BNC2: variants seen among roughly 807,000 people sequenced by gnomAD.
The protein encoded by BNC2 is zinc finger protein basonuclin-2.
In BNC2, 20 loss-of-function variants were observed where a neutral mutation model predicts 76.3. The observed-to-expected ratio is 0.26, with a 90% CI of 0.18 to 0.38. The LOEUF (loss-of-function observed/expected upper bound fraction) is 0.38. Ranked by LOEUF, BNC2 falls within the 10% of genes least tolerant of loss-of-function variation. The pLI, the probability that BNC2 is intolerant of heterozygous loss-of-function variation, is 1.00. For missense variants in BNC2, 1,382 were observed against 1,399.8 expected, an observed-to-expected ratio of 0.99 and a Z score of 0.20; for synonymous variants, 582 against 514.8, an observed-to-expected ratio of 1.13 and a Z score of -1.77.
chr9:16,797,321 GA>G (rs1202969440), intron 1 of BNC2, among the ~76,000 whole-genome samples: 1 of 152,050 alleles, frequency 6.6e-6, no homozygotes, highest in Non-Finnish European at 1.5e-5. Flanking sequence ...CTATACAATG[GA>G]AAGGATGAGG....
At chr9:16,566,764 G>A (rs937829455) in intron 4 of BNC2, among the ~76,000 whole-genome samples, 4 of 152,108 alleles carry the variant, frequency 2.6e-5, no homozygotes, top group Admixed American at 6.6e-5. Flanking sequence ...CTGGAAAGTC[G>A]TCAGAGAATA....
In BNC2 at chr9:16,435,644, A is replaced by C; in HGVS notation, c.2550T>G (p.Leu850=). Residue 850 remains leucine (L), a synonymous_variant, in exon 6 of 7, where the codon CTT becomes CTG. Coordinates refer to ENST00000380672, the MANE Select transcript of BNC2 (RefSeq NM_017637.6). ...KSFKSSYSVK[L]HYRNVHLKEM... ...CTTTCAAGTGAACGTTCCTGTAGTG[A>C]AGTTTCACACTGTAGGAGCTTTTGA... The C allele has an allele frequency of 6.2e-7, 1 of 1,614,146 alleles. No individual in the cohort carries two copies. The highest frequency in any genetic ancestry group is 8.5e-7 in the Non-Finnish European group (1 of 1,180,020).
intron 3 of BNC2, among the ~76,000 whole-genome samples, chr9:16,607,931 A>T (rs562496288): frequency 6.9e-4 from 105 of 152,276 alleles, no homozygotes; most frequent in African/African-American, 2.4e-3. Context: ...GGTTCCCAGG[A>T]TCCCCAATTT....
chr9:16,412,753 G>C lies in BNC2; in HGVS notation c.*6236C>G, dbSNP rs1820495969. Reference sequence around the variant, plus strand: ...AGAGAGAGAGAGAGAGAGAGAGAGAGAGAGAGAGAGAGACTGACTGATTGT... The same window carrying C: ...AGAGAGAGAGAGAGAGAGAGAGAGACAGAGAGAGAGAGACTGACTGATTGT... On this transcript the variant is annotated 3_prime_UTR_variant, in exon 7 of 7. Coordinates refer to ENST00000380672, the MANE Select transcript of BNC2 (RefSeq NM_017637.6). 1 of 148,958 alleles carries C rather than the reference G, an allele frequency of 6.7e-6. No individual in the cohort carries two copies. The highest frequency in any genetic ancestry group is 2.1e-4 in the South Asian group (1 of 4,720). 9.2% of individuals were successfully genotyped at this position (148,958 alleles called of 1,614,324 possible). A position where few individuals can be genotyped will look rare whatever the true frequency, so the allele number is the denominator to read the frequency against.
At chr9:16,537,526 T>C (rs1182384617) in intron 5 of BNC2, among the ~76,000 whole-genome samples, 1 of 151,418 alleles carries the variant, frequency 6.6e-6, no homozygotes, top group African/African-American at 2.4e-5. Context: ...GAAAGAACAC[T>C]GTAGAAAAAT....
At chr9:16,678,015 C>T (rs547923322) in intron 3 of BNC2, among the ~76,000 whole-genome samples, 18 of 151,440 alleles carry the variant, frequency 1.2e-4, no homozygotes, top group East Asian at 3.9e-4. Context: ...CTTTCTGTGA[C>T]GGTAGAGGAT....
chr9:16,727,948 C>T lies in BNC2; in HGVS notation c.179G>A (p.Arg60Lys). ...CAAGTCTCTTGCCCTCTTTGGCTCT[C>T]TGTCTCTCTGTGTCTCTCTTTCTCT... ...DVRERETQRD[R>K]EPKRARDLTL... The change falls in exon 3 of 7, where the codon AGA (arginine) becomes AAA (lysine). Residue 60 changes from arginine (R) to lysine (K), a missense_variant. Transcript: ENST00000380672. 1 of 1,614,088 alleles carries T rather than the reference C, an allele frequency of 6.2e-7. No homozygotes were observed. Among genetic ancestry groups the T allele is most frequent in the East Asian group, 2.2e-5 (1 of 44,858 alleles).
intron 1 of BNC2, among the ~76,000 whole-genome samples, chr9:16,811,077 G>C (rs1421398973): frequency 1.3e-5 from 2 of 151,922 alleles, no homozygotes; most frequent in Non-Finnish European, 2.9e-5. Context: ...AATTAGCCAG[G>C]CATGGTGGCG....
intron 1 of BNC2, among the ~76,000 whole-genome samples, chr9:16,785,284 T>C (rs1826255365): frequency 6.6e-6 from 1 of 152,208 alleles, no homozygotes; most frequent in African/African-American, 2.4e-5. Flanking sequence ...TTTAATAGTG[T>C]GGATGAACAG....
chr9:16,561,834 T>TC (rs1819025985), intron 4 of BNC2, among the ~76,000 whole-genome samples: 1 of 151,958 alleles, frequency 6.6e-6, no homozygotes. Context: ...TGAAACCCCA[T>TC]CTCTACAAAA....
At chr9:16,745,238 C>T (rs1042554479) in intron 1 of BNC2, among the ~76,000 whole-genome samples, 1 of 152,170 alleles carries the variant, frequency 6.6e-6, no homozygotes, top group African/African-American at 2.4e-5. Context: ...TGTGAAAAGA[C>T]ATTTCAAAGT....
intron 3 of BNC2, among the ~76,000 whole-genome samples, chr9:16,616,106 G>A (rs1587238598): frequency 6.6e-6 from 1 of 152,298 alleles, no homozygotes; most frequent in East Asian, 1.9e-4. Flanking sequence ...AATGTTCCGG[G>A]CCAGGCATGG....
At chr9:16,647,218 C>G (rs1265822790) in intron 3 of BNC2, among the ~76,000 whole-genome samples, 1 of 152,152 alleles carries the variant, frequency 6.6e-6, no homozygotes, top group East Asian at 1.9e-4. Flanking sequence ...ATTAACTCCA[C>G]TCTTTGTTGC....
chr9:16,856,544 G>A (rs1251417356), intron 1 of BNC2, among the ~76,000 whole-genome samples: 2 of 152,094 alleles, frequency 1.3e-5, no homozygotes, highest in Non-Finnish European at 2.9e-5. Flanking sequence ...AAATAGTTGG[G>A]ACTACAGGCA....
intron 1 of BNC2, among the ~76,000 whole-genome samples, chr9:16,800,783 A>C (rs1394065693): frequency 1.3e-5 from 2 of 152,184 alleles, no homozygotes; most frequent in Non-Finnish European, 2.9e-5. Flanking sequence ...ACCTGGTACA[A>C]AGAAAATGTA....
chr9:16,443,969 T>C (rs1821180472), intron 5 of BNC2, among the ~76,000 whole-genome samples: 1 of 152,204 alleles, frequency 6.6e-6, no homozygotes, highest in Non-Finnish European at 1.5e-5. Flanking sequence ...ATGGAAAGTA[T>C]ACTTCAATGA....
chr9:16,827,557 C>G (rs1311076345), intron 1 of BNC2, among the ~76,000 whole-genome samples: 2 of 152,054 alleles, frequency 1.3e-5, no homozygotes, highest in African/African-American at 4.8e-5. Flanking sequence ...ATGAGTAATT[C>G]GATCAAAAAG....
intron 1 of BNC2, among the ~76,000 whole-genome samples, chr9:16,805,262 T>G (rs1259500452): frequency 6.6e-6 from 1 of 152,156 alleles, no homozygotes; most frequent in African/African-American, 2.4e-5. Context: ...CAAATTTCTA[T>G]GTGAATGTAG....
At chr9:16,673,589 T>C (rs961722090) in intron 3 of BNC2, among the ~76,000 whole-genome samples, 5 of 152,102 alleles carry the variant, frequency 3.3e-5, no homozygotes, top group African/African-American at 1.2e-4. Context: ...AAGTATACCA[T>C]CATCACATCA....
Sources: allele counts gnomAD v4.1 joint callset (sites outside exome capture counted in the v4.1 genomes callset), GRCh38; gene constraint gnomAD v4.1.1; transcripts MANE v1.5; gene names NCBI Gene and HGNC (gene_info 2026-07-23, HGNC 2026-07-21).